PDLIM5: variants seen among roughly 807,000 people sequenced by gnomAD.
The protein encoded by PDLIM5 is PDZ and LIM domain protein 5.
In PDLIM5, 34 loss-of-function variants were observed where a neutral mutation model predicts 64.2. That is an observed-to-expected ratio of 0.53 (90% confidence interval 0.40 to 0.71). The LOEUF is 0.71. PDLIM5 is among the 30% of genes least tolerant of loss of function. PDLIM5 has a pLI of 0.00. For missense variants in PDLIM5, 683 were observed against 733.6 expected (o/e 0.93, Z 0.80); for synonymous variants, 253 against 269.1 (o/e 0.94, Z 0.59).
At chr4:94,553,035 T>C (rs1165435470) in intron 3 of PDLIM5, among the ~76,000 whole-genome samples, 1 of 152,196 alleles carries the variant, frequency 6.6e-6, no homozygotes, top group African/African-American at 2.4e-5. Context: ...CTGGTCTCTT[T>C]TAGCAGAGGC....
At chr4:94,584,409 A>T (rs1290766404) in intron 5 of PDLIM5, 1 of 152,260 alleles carries the variant, frequency 6.6e-6, no homozygotes, top group African/African-American at 2.4e-5. Context: ...GTTCTTAGCA[A>T]ACTCAAAGTT....
intron 3 of PDLIM5, among the ~76,000 whole-genome samples, chr4:94,536,912 A>G (rs1449154913): frequency 6.6e-6 from 1 of 152,180 alleles, no homozygotes; most frequent in Admixed American, 6.5e-5. Flanking sequence ...AGTACATGGG[A>G]GTGATTGGCC....
chr4:94,515,853 G>A (rs961093720), intron 2 of PDLIM5, among the ~76,000 whole-genome samples: 12 of 152,094 alleles, frequency 7.9e-5, no homozygotes, highest in African/African-American at 2.9e-4. Flanking sequence ...TCCAGAGTAG[G>A]CTATATAGAA....
intron 2 of PDLIM5, among the ~76,000 whole-genome samples, chr4:94,470,468 C>T (rs1724769094): frequency 6.6e-6 from 1 of 152,106 alleles, no homozygotes. Flanking sequence ...TATTCTAGGT[C>T]AGATCTGTTG....
rs77836634 is a variant in PDLIM5 at position 94,647,014 on chromosome 4, C to T, written c.1283+6564C>T. ...TCACATCTTCTTTCTCCTCAAACTT[C>T]TAAAATCTCCTTTCCCATCCTCACT... is the stretch of plus-strand genomic sequence containing the variant. On this transcript the variant is annotated intron_variant, in intron 9 of 12. Coordinates refer to ENST00000317968, the MANE Select transcript of PDLIM5 (RefSeq NM_006457.5). 7.4e-3 allele frequency among the ~76,000 whole-genome samples: 1,120 copies of T among 152,296 alleles called. 15 individuals are homozygous for T. The highest frequency in any genetic ancestry group is 0.026 in the African/African-American group (1,070 of 41,572).
chr4:94,607,101 C>G (rs879069148), intron 7 of PDLIM5, among the ~76,000 whole-genome samples: 5 of 152,100 alleles, frequency 3.3e-5, no homozygotes, highest in Admixed American at 6.6e-5. Context: ...TGTTTTAGTT[C>G]TATCATGACA....
At chr4:94,545,415 A>G (rs987909996) in intron 3 of PDLIM5, among the ~76,000 whole-genome samples, 1 of 152,090 alleles carries the variant, frequency 6.6e-6, no homozygotes, top group African/African-American at 2.4e-5. Flanking sequence ...CAGTGGTTTC[A>G]TTGTTTGTGT....
intron 3 of PDLIM5, among the ~76,000 whole-genome samples, chr4:94,532,765 G>A (rs186818294): frequency 6.6e-6 from 1 of 152,262 alleles, no homozygotes; most frequent in South Asian, 2.1e-4. Context: ...TTGGGAGGCC[G>A]TGGTGGGCAG....
chr4:94,635,991 G>A (rs990703129), intron 8 of PDLIM5, among the ~76,000 whole-genome samples: 1 of 152,188 alleles, frequency 6.6e-6, no homozygotes, highest in Non-Finnish European at 1.5e-5. Flanking sequence ...TTAAAATGGG[G>A]CAGTAACGGA....
chr4:94,563,958 C>CTTTTTTTTTTTTTTTTTTTTTT (rs796820308), intron 3 of PDLIM5, among the ~76,000 whole-genome samples: 41 of 119,362 alleles, frequency 3.4e-4, no homozygotes, highest in Middle Eastern at 4.5e-3. Context: ...TTCTTTCTTT[C>CTTTTTTTTTTTTTTTTTTTTTT]TTTTTTTTTT....
chr4:94,462,937 A>C (rs1358989921), intron 2 of PDLIM5, among the ~76,000 whole-genome samples: 3 of 152,222 alleles, frequency 2.0e-5, no homozygotes, highest in Non-Finnish European at 4.4e-5. Context: ...CCATTTTGCA[A>C]GATAATCTAG....
At chr4:94,564,656 C>CTCTTT (rs1553959063) in intron 3 of PDLIM5, among the ~76,000 whole-genome samples, 10 of 104,544 alleles carry the variant, frequency 9.6e-5, no homozygotes, top group African/African-American at 3.0e-4. Context: ...AATTTTGTCT[C>CTCTTT]TTTTTTTTTT....
chr4:94,461,758 G>T, intron 2 of PDLIM5, among the ~76,000 whole-genome samples: 1 of 152,110 alleles, frequency 6.6e-6, no homozygotes, highest in Non-Finnish European at 1.5e-5. Context: ...CTCCCAACTG[G>T]GCTAAGCAGT....
In PDLIM5 at chr4:94,618,088, T is replaced by C. The variant is rs2110395921; in HGVS notation, c.1005T>C (p.Ser335=). 3.7e-6 allele frequency: 6 copies of C among 1,612,282 alleles called. No homozygotes were observed. Among genetic ancestry groups the C allele is most frequent in the Non-Finnish European group, 5.1e-6 (6 of 1,179,102 alleles). Residue 335 remains serine, a synonymous_variant, in exon 8 of 13, where the codon TCT becomes TCC. Transcript: ENST00000317968. ...SMPESLDSPT[S]GRPGVTSLTA... is the part of the protein sequence containing the mutation. ...CCGAGAGCCTGGACAGCCCAACCTC[T>C]GGCAGACCAGGGGTTACCAGCCTCA...
chr4:94,487,877 T>C (rs1726497907), intron 2 of PDLIM5, among the ~76,000 whole-genome samples: 2 of 152,202 alleles, frequency 1.3e-5, no homozygotes, highest in African/African-American at 4.8e-5. Flanking sequence ...CTGCATATCT[T>C]AGTAAAAACA....
intron 3 of PDLIM5, among the ~76,000 whole-genome samples, chr4:94,540,908 C>T (rs191548841): frequency 4.5e-4 from 69 of 152,266 alleles, no homozygotes; most frequent in African/African-American, 1.3e-3. Flanking sequence ...ACAGAGTACT[C>T]GCCTTTCAGG....
At chr4:94,543,973 C>G (rs1207094400) in intron 3 of PDLIM5, among the ~76,000 whole-genome samples, 1 of 152,060 alleles carries the variant, frequency 6.6e-6, no homozygotes, top group Non-Finnish European at 1.5e-5. Context: ...TATGGTAGTT[C>G]TATTTCTAAT....
intron 3 of PDLIM5, among the ~76,000 whole-genome samples, chr4:94,553,354 C>T (rs886369921): frequency 1.3e-5 from 2 of 152,154 alleles, no homozygotes; most frequent in African/African-American, 4.8e-5. Flanking sequence ...AGTGATCTGC[C>T]TGCTTTGGTC....
chr4:94,642,659 C>T (rs972877481), intron 9 of PDLIM5, among the ~76,000 whole-genome samples: 5 of 152,178 alleles, frequency 3.3e-5, no homozygotes, highest in African/African-American at 1.2e-4. Context: ...CAGTAATTAA[C>T]ATAGCACATT....
Sources: gnomAD v4.1 joint callset for allele counts (sites outside exome capture counted in the v4.1 genomes callset) on GRCh38, gnomAD v4.1.1 for gene constraint, MANE v1.5 for transcripts, NCBI Gene and HGNC (gene_info 2026-07-23, HGNC 2026-07-21) for gene names.